Variants in BLTP1 observed in about 807,000 individuals in gnomAD.
BLTP1 encodes the protein bridge-like lipid transfer protein family member 1.
the BLTP1 span, chr4:122,270,916 A>G: frequency 2.1e-6 from 3 of 1,409,278 alleles, no homozygotes; most frequent in Non-Finnish European, 2.8e-6. Context: ...TTTAAGACTC[A>G]TATTTTACCT....
chr4:122,249,054 T>A, the BLTP1 span: 3 of 962,860 alleles, frequency 3.1e-6, no homozygotes, highest in Admixed American at 1.8e-4. Context: ...ATTGTAGTTA[T>A]GTAAAATATG....
the BLTP1 span, among the ~76,000 whole-genome samples, chr4:122,327,097 G>GTTTT: frequency 1.5e-5 from 1 of 65,754 alleles, no homozygotes; most frequent in East Asian, 5.4e-4. Context: ...GGTCATAGGG[G>GTTTT]GGTGTTTTGT....
chr4:122,297,606 G>C, the BLTP1 span, among the ~76,000 whole-genome samples: 1 of 152,142 alleles, frequency 6.6e-6, no homozygotes, highest in Non-Finnish European at 1.5e-5. Context: ...ATACATGCAT[G>C]CGTATGTTCA....
the BLTP1 span, among the ~76,000 whole-genome samples, chr4:122,245,741 A>C: frequency 1.3e-5 from 2 of 152,134 alleles, no homozygotes; most frequent in Non-Finnish European, 2.9e-5. Flanking sequence ...ATTTTAGTTA[A>C]CTATTTATTT....
the BLTP1 span, chr4:122,206,095 A>C: frequency 2.1e-6 from 2 of 973,706 alleles, no homozygotes; most frequent in Non-Finnish European, 2.4e-6. Flanking sequence ...TTTAAAAAGC[A>C]GTTTAAACAT....
At chr4:122,230,287 A>G in the BLTP1 span, 6 of 1,231,132 alleles carry the variant, frequency 4.9e-6, no homozygotes, top group Admixed American at 3.9e-5. Flanking sequence ...AGGAAATTCT[A>G]CTGAGAGAAT....
the BLTP1 span, chr4:122,325,153 T>C: frequency 1.4e-6 from 2 of 1,386,364 alleles, no homozygotes; most frequent in East Asian, 4.8e-5. Context: ...GTCATTGCCA[T>C]TAATCAGACT....
At chr4:122,272,091 A>G in the BLTP1 span, 99,353 of 1,532,434 alleles carry the variant, frequency 0.065, 3,600 homozygotes, top group Middle Eastern at 0.076. Flanking sequence ...AGGTAAGACA[A>G]TGTTTGGAAT....
chr4:122,183,759 C>T, the BLTP1 span, among the ~76,000 whole-genome samples: 6 of 152,068 alleles, frequency 3.9e-5, no homozygotes, highest in Non-Finnish European at 7.4e-5. Context: ...TTCTTTGGAA[C>T]AAAATTCTAG....
the BLTP1 span, among the ~76,000 whole-genome samples, chr4:122,300,598 A>T: frequency 6.6e-6 from 1 of 152,014 alleles, no homozygotes; most frequent in East Asian, 1.9e-4. Context: ...TAGATTTTTG[A>T]CCCCTAAATT....
chr4:122,251,491 G>A, the BLTP1 span: 1 of 950,196 alleles, frequency 1.1e-6, no homozygotes, highest in Non-Finnish European at 1.3e-6. Context: ...TTTAATCACA[G>A]TTTTATTTTG....
At chr4:122,254,308 T>C in the BLTP1 span, 5 of 1,613,154 alleles carry the variant, frequency 3.1e-6, 1 homozygote, top group Non-Finnish European at 4.2e-6. Context: ...GTTTTGCAGC[T>C]CCCACCAATG....
chr4:122,316,144 C>T, the BLTP1 span, among the ~76,000 whole-genome samples: 97 of 152,090 alleles, frequency 6.4e-4, no homozygotes, highest in Non-Finnish European at 1.2e-3. Flanking sequence ...TGAAATGATA[C>T]ATTTTAAAAA....
the BLTP1 span, chr4:122,187,442 A>T: frequency 6.2e-7 from 1 of 1,612,012 alleles, no homozygotes; most frequent in Non-Finnish European, 8.5e-7. Flanking sequence ...GTTAAAGTAA[A>T]AACAGAATCC....
At chr4:122,221,629 CA>C in the BLTP1 span, 1 of 178,160 alleles carries the variant, frequency 5.6e-6, no homozygotes, top group African/African-American at 2.4e-5. Flanking sequence ...TCTGTCATCA[CA>C]AAGATCTCAC....
chr4:122,308,195 G>A, the BLTP1 span: 8 of 1,606,244 alleles, frequency 5.0e-6, no homozygotes, highest in Non-Finnish European at 6.0e-6. Flanking sequence ...AGGATTAAGA[G>A]CCAGGCATTT....
chr4:122,246,958 AT>A, the BLTP1 span: 22 of 1,380,434 alleles, frequency 1.6e-5, no homozygotes, highest in African/African-American at 2.9e-4. Context: ...TAATTTATAG[AT>A]TAGTAACATA....
the BLTP1 span, chr4:122,328,954 G>A: frequency 6.3e-6 from 1 of 159,818 alleles, no homozygotes; most frequent in Non-Finnish European, 1.3e-5. Context: ...AATAAATAAT[G>A]AGAAATTGGC....
At chr4:122,200,091 C>CA in the BLTP1 span, 1 of 941,804 alleles carries the variant, frequency 1.1e-6, no homozygotes, top group Non-Finnish European at 1.3e-6. Flanking sequence ...TTCTTAATTT[C>CA]TTGTCTTAAA....
Sources: gnomAD v4.1 joint callset for allele counts (sites outside exome capture counted in the v4.1 genomes callset) on GRCh38, gnomAD v4.1.1 for gene constraint, MANE v1.5 for transcripts, NCBI Gene and HGNC (gene_info 2026-07-23, HGNC 2026-07-21) for gene names.